The following SIX4 variants were observed in gnomAD, a reference collection of about 807,000 sequenced individuals.
The protein encoded by SIX4 is SIX homeobox 4, also known as homeobox protein SIX4.
In SIX4, 23 loss-of-function variants were observed where a neutral mutation model predicts 51.5. That is an observed-to-expected ratio of 0.45 (90% CI 0.32 to 0.63). SIX4 has a LOEUF of 0.63. Ranked by LOEUF, SIX4 falls within the 30% of genes least tolerant of loss-of-function variation. The pLI, the probability that SIX4 is intolerant of heterozygous loss-of-function variation, is 0.04. For synonymous variants in SIX4, 413 were observed against 417.3 expected (o/e 0.99, Z 0.13); for missense variants, 867 against 984.0 (o/e 0.88, Z 1.59).
Position 60,720,332 on chromosome 14 carries a change from C to G in SIX4, c.977G>C (p.Ser326Thr). The G allele has an allele frequency of 6.2e-7, 1 of 1,614,166 alleles. No homozygotes were observed. The highest frequency in any genetic ancestry group is 8.5e-7 in the Non-Finnish European group (1 of 1,180,038). Residue 326 changes from serine to threonine, a missense_variant, in exon 2 of 3, where the codon AGT becomes ACT. Ser to Thr is a moderately conservative substitution (Grantham distance 58). Transcript: ENST00000216513. This position sits in a 1 kb window ranked among gnomAD's most constrained non-coding sequence, Gnocchi z 5.5. ...TTGCATATATACTGGCTCCATATGA[C>G]TGGAAAGGCTGAGGTTGGTGATGCC... Reference protein sequence around the residue: ...SDGITNLSLSSHMEPVYMQQI... With the variant: ...SDGITNLSLSTHMEPVYMQQI...
rs1208110405 is a variant in SIX4 at position 60,719,727 on chromosome 14, C to T, written c.1549+33G>A. 1.3e-6 allele frequency: 2 copies of T among 1,592,220 alleles called. No homozygotes were observed. The highest frequency in any genetic ancestry group is 1.7e-6 in the Non-Finnish European group (2 of 1,165,632). The stretch of plus-strand genomic sequence containing the variant: ...TTACAGCAGCTGATGAACACATTTG[C>T]TGGTGCATTAAGGTACCAAATGAGA... On this transcript the variant is annotated intron_variant, in intron 2 of 2. Coordinates refer to ENST00000216513, the MANE Select transcript of SIX4 (RefSeq NM_017420.5). This position sits in a 1 kb window ranked among gnomAD's most constrained non-coding sequence, Gnocchi z 4.9.
rs1272014958 is a variant in SIX4, at chr14:60,710,209, TAC to T, written c.*3196_*3197del. On this transcript the variant is annotated 3_prime_UTR_variant, in exon 3 of 3. Transcript: ENST00000216513. Reference sequence around the variant, plus strand: ...TTTTAACATGCAAGATACAAGGGCATACACAGAGAGATTTAAGGTCAGTGTGC... The same window carrying T: ...TTTTAACATGCAAGATACAAGGGCATACAGAGAGATTTAAGGTCAGTGTGC... 6.6e-6 allele frequency: 1 copy of T among 152,656 alleles called. No individual in the cohort carries two copies. The highest frequency in any genetic ancestry group is 2.1e-4 in the South Asian group (1 of 4,828). The allele number at this position is 152,656 out of a possible 1,614,324, so 9.5% of individuals were successfully genotyped here.
chr14:60,714,012 A>G lies in SIX4; in HGVS notation c.1741T>C (p.Leu581=), dbSNP rs79913552. The G allele has an allele frequency of 1.9e-6, 3 of 1,614,002 alleles. No individual in the cohort carries two copies. The highest frequency in any genetic ancestry group is 2.5e-6 in the Non-Finnish European group (3 of 1,180,028). The change falls in exon 3 of 3, where the codon TTG becomes CTG. Residue 581 remains leucine, a synonymous_variant. Transcript: ENST00000216513. The part of the protein sequence containing the change: ...GLERSLVFSQ[L]MPVNQNAQVN... ...TGTGCATTCTGATTGACAGGCATCAACTGAGAAAATACCAGGCTCCTTTCC... is the reference window on the plus strand; with the variant it reads ...TGTGCATTCTGATTGACAGGCATCAGCTGAGAAAATACCAGGCTCCTTTCC...
chr14:60,718,438 A>T, intron 2 of SIX4, among the ~76,000 whole-genome samples: 1 of 152,184 alleles, frequency 6.6e-6, no homozygotes, highest in East Asian at 1.9e-4. Context: ...AAGTATTTCT[A>T]CTTTTCTCCT....
chr14:60,714,291 A>G (rs1895878828), intron 2 of SIX4, 88 bp from the exon 3 acceptor site: 1 of 1,172,210 alleles, frequency 8.5e-7, no homozygotes, highest in Non-Finnish European at 1.2e-6. Context: ...CAGGTACAGT[A>G]TCTATAAAGA....
Position 60,713,301 on chromosome 14 carries a change from GC to G in SIX4, c.*105del. The G allele has an allele frequency of 8.1e-7, 1 of 1,229,238 alleles. No homozygotes were observed. Among genetic ancestry groups the G allele is most frequent in the African/African-American group, 1.5e-5 (1 of 66,552 alleles). The allele number at this position is 1,229,238 out of a possible 1,614,324, so 76.1% of individuals were successfully genotyped here. A position where few individuals can be genotyped will look rare whatever the true frequency, so the allele number is the denominator to read the frequency against. On this transcript the variant is annotated 3_prime_UTR_variant, in exon 3 of 3. Coordinates refer to ENST00000216513, the MANE Select transcript of SIX4 (RefSeq NM_017420.5). ...TAAAGTCTCTTGTATGCATATACTT[GC>G]AAAACTAGAGTGTTTTCCTTTAAAT...
chr14:60,717,885 G>T lies in SIX4; in HGVS notation c.1549+1875C>A, dbSNP rs1213988532. ...AGATTAGCCGGTCATGGTGATGCAC[G>T]CCTGTAGTCCCAGCTACTAGGGAGG... On this transcript the variant is annotated intron_variant, in intron 2 of 2. Coordinates refer to ENST00000216513, the MANE Select transcript of SIX4 (RefSeq NM_017420.5). The surrounding 1 kb of genome is among the most constrained non-coding windows in gnomAD (Gnocchi z 4.6). 2 of 160,552 alleles carry T rather than the reference G, an allele frequency of 1.2e-5. No individual in the cohort carries two copies. Among genetic ancestry groups the T allele is most frequent in the South Asian group, 3.3e-4 (2 of 6,040 alleles). 9.9% of individuals were successfully genotyped at this position (160,552 alleles called of 1,614,324 possible).
Position 60,722,616 on chromosome 14 carries a change from C to T in SIX4, c.863+596G>A, listed in dbSNP as rs1352007116. On this transcript the variant is annotated intron_variant, in intron 1 of 2. Transcript: ENST00000216513. This position sits in a 1 kb window ranked among gnomAD's most constrained non-coding sequence, Gnocchi z 5.9. ...AATGATTAACTCTGTCATATGAAAC[C>T]TCGACGTTCCGAGACCCCTTCTGCG... Among the ~76,000 whole-genome samples, 3 of 152,144 alleles carry T rather than the reference C, an allele frequency of 2.0e-5. No homozygotes were observed. Among genetic ancestry groups the T allele is most frequent in the African/African-American group, 4.8e-5 (2 of 41,440 alleles).
Position 60,713,314 on chromosome 14 carries a change from G to T in SIX4, c.*93C>A. 1 of 1,369,450 alleles carries T rather than the reference G, an allele frequency of 7.3e-7. No homozygotes were observed. The highest frequency in any genetic ancestry group is 9.9e-7 in the Non-Finnish European group (1 of 1,013,184). 84.8% of individuals were successfully genotyped at this position (1,369,450 alleles called of 1,614,324 possible). On this transcript the variant is annotated 3_prime_UTR_variant, in exon 3 of 3. Coordinates refer to ENST00000216513, the MANE Select transcript of SIX4 (RefSeq NM_017420.5). The stretch of plus-strand genomic sequence containing the variant: ...ATGCATATACTTGCAAAACTAGAGT[G>T]TTTTCCTTTAAATGGGAAAATGTTT...
At chr14:60,715,123 G>C (rs1895900970) in intron 2 of SIX4, among the ~76,000 whole-genome samples, 1 of 151,442 alleles carries the variant, frequency 6.6e-6, no homozygotes, top group Admixed American at 6.6e-5. Flanking sequence ...CTACTAGTTA[G>C]AAGCCAAGTG....
chr14:60,723,893 G>A lies in SIX4; in HGVS notation c.182C>T (p.Ala61Val). Residue 61 changes from alanine to valine, a missense_variant, in exon 1 of 3, where the codon GCT becomes GTT. By Grantham distance (64) the Ala-to-Val change is moderately conservative. Transcript: ENST00000216513. ...TTCCTCTCCGCTCACCCTGGCGGCA[G>A]CGGTCGCGGCGTCCCCCGGCTCCAG... ...FPLEPGDAATAAARVSGEEGA... is the reference protein window; with the variant it reads ...FPLEPGDAATVAARVSGEEGA... The A allele has an allele frequency of 6.6e-7, 1 of 1,524,120 alleles. No individual in the cohort carries two copies. Among genetic ancestry groups the A allele is most frequent in the Non-Finnish European group, 8.7e-7 (1 of 1,151,774 alleles). 94.4% of individuals were successfully genotyped at this position (1,524,120 alleles called of 1,614,324 possible).
At chr14:60,721,537 G>A (rs986756946) in intron 1 of SIX4, among the ~76,000 whole-genome samples, 12 of 152,124 alleles carry the variant, frequency 7.9e-5, no homozygotes, top group African/African-American at 2.9e-4. Flanking sequence ...CGCCGTCTGC[G>A]AGGGTGACTC....
chr14:60,714,182 C>T lies in SIX4; in HGVS notation c.1571G>A (p.Ser524Asn). The T allele has an allele frequency of 6.3e-7, 1 of 1,594,970 alleles. No homozygotes were observed. The highest frequency in any genetic ancestry group is 8.5e-7 in the Non-Finnish European group (1 of 1,175,450). ...TGTAAATGTGCTTCCATCTGAAGTG[C>T]TTGAGCTTACTGAGATATTACCTAA... ...ASQGNISVSS[S>N]TSDGSTFTSE... The change falls in exon 3 of 3, where the codon AGC becomes AAC. Residue 524 changes from serine to asparagine, a missense_variant. Coordinates refer to ENST00000216513, the MANE Select transcript of SIX4 (RefSeq NM_017420.5).
In SIX4 at chr14:60,719,847, T is replaced by C. The variant is rs776459445; in HGVS notation, c.1462A>G (p.Asn488Asp). The C allele has an allele frequency of 6.2e-7, 1 of 1,614,140 alleles. No individual in the cohort carries two copies. Among genetic ancestry groups the C allele is most frequent in the Non-Finnish European group, 8.5e-7 (1 of 1,180,020 alleles). ...AGGAACTGGCTGTTTGCTCCGGAAT[T>C]GGGGATCTGGACAATGCCATACTGG... ...INQYGIVQIP[N>D]SGANSQFLNG... The change falls in exon 2 of 3, where the codon AAT becomes GAT. Residue 488 changes from asparagine (N) to aspartate (D), a missense_variant. Coordinates refer to ENST00000216513, the MANE Select transcript of SIX4 (RefSeq NM_017420.5). The surrounding 1 kb of genome is among the most constrained non-coding windows in gnomAD (Gnocchi z 4.9).
At chr14:60,721,701 C>T (rs1031984624) in intron 1 of SIX4, among the ~76,000 whole-genome samples, 7 of 152,192 alleles carry the variant, frequency 4.6e-5, no homozygotes, top group African/African-American at 1.4e-4. Context: ...GTGCCCGGCT[C>T]GCGAGCGGAG....
intron 2 of SIX4, chr14:60,718,073 A>G: frequency 6.1e-6 from 1 of 165,144 alleles, no homozygotes; most frequent in Middle Eastern, 5.1e-4. Flanking sequence ...TGAGTAAAAG[A>G]TGTAGATATT....
intron 1 of SIX4, 179 bp downstream of exon 1, chr14:60,723,033 G>A: frequency 2.2e-6 from 3 of 1,383,006 alleles, no homozygotes; most frequent in Non-Finnish European, 2.8e-6. Context: ...CCCGCCCCCC[G>A]CCTCCGCCGC....
In SIX4 at chr14:60,723,905, T is replaced by C; in HGVS notation, c.170A>G (p.Asp57Gly). The change falls in exon 1 of 3, where the codon GAC becomes GGC. Residue 57 changes from aspartate (D) to glycine (G), a missense_variant. Transcript: ENST00000216513. ...CACCCTGGCGGCAGCGGTCGCGGCG[T>C]CCCCCGGCTCCAGGGGAAAAGGGGC... ...APAPFPLEPG[D>G]AATAAARVSG... The C allele has an allele frequency of 6.6e-7, 1 of 1,514,610 alleles. No individual in the cohort carries two copies. Among genetic ancestry groups the C allele is most frequent in the Non-Finnish European group, 8.7e-7 (1 of 1,147,100 alleles). 93.8% of individuals were successfully genotyped at this position (1,514,610 alleles called of 1,614,324 possible). A position where few individuals can be genotyped will look rare whatever the true frequency, so the allele number is the denominator to read the frequency against.
rs1895842752 is a variant in SIX4, at chr14:60,712,562, G to A, written c.*845C>T. ...AGTGTTATTAATATTGACCTTAATA[G>A]ATTCCTGGTAAAAATCATTATTTTT... On this transcript the variant is annotated 3_prime_UTR_variant, in exon 3 of 3. Transcript: ENST00000216513. 3 of 152,518 alleles carry A rather than the reference G, an allele frequency of 2.0e-5. No individual in the cohort carries two copies. The highest frequency in any genetic ancestry group is 4.4e-5 in the Non-Finnish European group (3 of 68,012). The allele number at this position is 152,518 out of a possible 1,614,324, so 9.4% of individuals were successfully genotyped here.
Sources: gnomAD v4.1 joint callset for allele counts (sites outside exome capture counted in the v4.1 genomes callset) on GRCh38, gnomAD v4.1.1 for gene constraint, Gnocchi (gnomAD v3.1) non-coding constraint, MANE v1.5 for transcripts, NCBI Gene and HGNC (gene_info 2026-07-23, HGNC 2026-07-21) for gene names.